Variants in CCSER1 observed in about 807,000 individuals in gnomAD.
CCSER1 encodes coiled-coil serine rich protein 1.
In CCSER1, 41 loss-of-function variants were observed where a neutral mutation model predicts 82.0. The ratio of observed to expected loss-of-function variants is 0.50; its 90% confidence interval spans 0.39 to 0.65. CCSER1 has a LOEUF of 0.65. Among genes scored for constraint, CCSER1 ranks in the 30% least tolerant of loss-of-function variants. The pLI is 0.00. For synonymous variants in CCSER1, 414 were observed against 383.9 expected (o/e 1.08, Z -0.92); for missense variants, 1,119 against 1,064.2 (o/e 1.05, Z -0.72).
At chr4:90,234,596 C>A (rs566451093) in intron 1 of CCSER1, among the ~76,000 whole-genome samples, 1 of 152,228 alleles carries the variant, frequency 6.6e-6, no homozygotes, top group East Asian at 1.9e-4. Context: ...AAATAGGCCT[C>A]AAGGCACACT....
intron 8 of CCSER1, among the ~76,000 whole-genome samples, chr4:90,879,765 A>G (rs1460541379): frequency 6.6e-6 from 1 of 151,956 alleles, no homozygotes; most frequent in Non-Finnish European, 1.5e-5. Context: ...GACATATACC[A>G]CTCTAGACAT....
intron 9 of CCSER1, among the ~76,000 whole-genome samples, chr4:90,956,196 A>T (rs1328189088): frequency 1.3e-5 from 2 of 152,216 alleles, no homozygotes; most frequent in African/African-American, 4.8e-5. Context: ...CAAAAGATAA[A>T]AATGATTTTT....
chr4:91,319,141 G>GA (rs1414358205), intron 10 of CCSER1: 4 of 235,180 alleles, frequency 1.7e-5, no homozygotes, highest in Non-Finnish European at 2.6e-5. Flanking sequence ...TTTCTAAAGG[G>GA]AAAAAAATAA....
chr4:90,714,125 G>A (rs915916976), intron 6 of CCSER1, among the ~76,000 whole-genome samples: 7 of 151,184 alleles, frequency 4.6e-5, no homozygotes, highest in Non-Finnish European at 8.9e-5. Flanking sequence ...GCTTCTATTC[G>A]GCCATCTTGG....
At chr4:90,534,138 G>T (rs1437339326) in intron 5 of CCSER1, among the ~76,000 whole-genome samples, 1 of 152,152 alleles carries the variant, frequency 6.6e-6, no homozygotes, top group Admixed American at 6.5e-5. Flanking sequence ...CTTTTTGTTT[G>T]TTTGTTTTTG....
intron 7 of CCSER1, among the ~76,000 whole-genome samples, chr4:90,770,286 T>A (rs1751874177): frequency 6.6e-6 from 1 of 152,200 alleles, no homozygotes; most frequent in South Asian, 2.1e-4. Flanking sequence ...TGTGAGATGA[T>A]AAATACTTGT....
intron 5 of CCSER1, among the ~76,000 whole-genome samples, chr4:90,615,351 G>T (rs899584274): frequency 3.9e-5 from 6 of 152,270 alleles, no homozygotes; most frequent in African/African-American, 1.4e-4. Flanking sequence ...GGCTAGAGTT[G>T]CCAGAGAGAG....
At chr4:90,432,233 A>G (rs950293769) in intron 4 of CCSER1, among the ~76,000 whole-genome samples, 3 of 152,196 alleles carry the variant, frequency 2.0e-5, no homozygotes, top group African/African-American at 4.8e-5. Context: ...TTCATAAAAT[A>G]AAGTCTTAAT....
At chr4:90,887,367 A>G (rs1476420818) in intron 8 of CCSER1, among the ~76,000 whole-genome samples, 1 of 152,152 alleles carries the variant, frequency 6.6e-6, no homozygotes, top group Admixed American at 6.5e-5. Context: ...CTACCTTCTC[A>G]CCATGTGCAA....
intron 5 of CCSER1, among the ~76,000 whole-genome samples, chr4:90,489,688 C>A (rs920987212): frequency 6.6e-6 from 1 of 152,124 alleles, no homozygotes; most frequent in Non-Finnish European, 1.5e-5. Flanking sequence ...AACCCCATGA[C>A]AGGCCCTAGT....
chr4:91,391,319 G>T (rs1349336904), intron 10 of CCSER1, among the ~76,000 whole-genome samples: 1 of 151,652 alleles, frequency 6.6e-6, no homozygotes, highest in Non-Finnish European at 1.5e-5. Context: ...ATTTTTTATT[G>T]AGACAGCATC....
chr4:90,930,720 T>C (rs928006923), intron 9 of CCSER1, among the ~76,000 whole-genome samples: 1 of 151,716 alleles, frequency 6.6e-6, no homozygotes, highest in Non-Finnish European at 1.5e-5. Context: ...CATTATCTGT[T>C]TACAAAGCAT....
chr4:90,286,745 T>C (rs916420651), intron 1 of CCSER1, among the ~76,000 whole-genome samples: 1 of 152,006 alleles, frequency 6.6e-6, no homozygotes, highest in African/African-American at 2.4e-5. Flanking sequence ...AATGCAGATC[T>C]CCCATGTAGT....
At chr4:90,977,261 C>T (rs1205779455) in intron 9 of CCSER1, among the ~76,000 whole-genome samples, 1 of 151,474 alleles carries the variant, frequency 6.6e-6, no homozygotes, top group Non-Finnish European at 1.5e-5. Flanking sequence ...CCAGCCCTGG[C>T]CACCTACCTC....
chr4:90,227,201 C>T (rs1377307958), intron 1 of CCSER1, among the ~76,000 whole-genome samples: 1 of 152,162 alleles, frequency 6.6e-6, no homozygotes, highest in Non-Finnish European at 1.5e-5. Context: ...ACTAAAATGG[C>T]AAATCTATCA....
intron 3 of CCSER1, among the ~76,000 whole-genome samples, chr4:90,361,965 C>T (rs1248717365): frequency 6.6e-6 from 1 of 152,174 alleles, no homozygotes; most frequent in East Asian, 1.9e-4. Context: ...AGGTTGTTCA[C>T]TCTCCACTAT....
intron 1 of CCSER1, among the ~76,000 whole-genome samples, chr4:90,230,607 G>A (rs1744291210): frequency 6.6e-6 from 1 of 150,964 alleles, no homozygotes; most frequent in South Asian, 2.1e-4. Context: ...CAGAAGGCAA[G>A]AAATAACTAA....
rs1337469304 is a variant in CCSER1 at position 90,214,395 on chromosome 4, C to T, written c.-42+86564C>T. On this transcript the variant is annotated intron_variant, in intron 1 of 10. Transcript: ENST00000509176. The stretch of plus-strand genomic sequence containing the variant: ...AAAGAATATGAATATATCACCTAGG[C>T]GAGTTAGGGATGCACTAATAGGATT... 2.6e-5 allele frequency among the ~76,000 whole-genome samples: 4 copies of T among 152,016 alleles called. No individual in the cohort carries two copies. In the South Asian group the frequency reaches 6.2e-4, roughly 24 times the overall value.
rs141154788 is a variant in CCSER1, at chr4:90,368,593, C to T, written c.1510-31443C>T. Reference sequence around the variant, plus strand: ...GCTGAAGTGAGCCATGATGGCACTACTGCACTTCAGCCTGGGTGACAGAGT... The same window carrying T: ...GCTGAAGTGAGCCATGATGGCACTATTGCACTTCAGCCTGGGTGACAGAGT... On this transcript the variant is annotated intron_variant, in intron 3 of 10. Transcript: ENST00000509176. Among the ~76,000 whole-genome samples, 1,215 of 152,000 alleles carry T rather than the reference C, an allele frequency of 8.0e-3. 26 individuals carry two copies. Among genetic ancestry groups the T allele is most frequent in the African/African-American group, 0.028 (1,153 of 41,528 alleles).
Sources: allele counts gnomAD v4.1 joint callset (sites outside exome capture counted in the v4.1 genomes callset), GRCh38; gene constraint gnomAD v4.1.1; transcripts MANE v1.5; gene names NCBI Gene and HGNC (gene_info 2026-07-23, HGNC 2026-07-21).